WDPCP: variants seen among roughly 807,000 people sequenced by gnomAD.
The protein encoded by WDPCP is WD repeat-containing and planar cell polarity effector protein fritz homolog.
Under a neutral mutation model 93.1 loss-of-function variants are expected in WDPCP, and 71 were observed. The observed-to-expected ratio is 0.76, with a 90% CI of 0.63 to 0.93. WDPCP has a LOEUF of 0.93. WDPCP is among the 40% of genes least tolerant of loss of function. The pLI is 0.00. For missense variants in WDPCP, 844 were observed against 887.4 expected, an observed-to-expected ratio of 0.95 and a Z score of 0.62; for synonymous variants, 315 against 315.0, an observed-to-expected ratio of 1.00 and a Z score of 0.00.
intron 14 of WDPCP, among the ~76,000 whole-genome samples, chr2:63,220,576 A>G (rs1236927739): frequency 6.6e-6 from 1 of 152,084 alleles, no homozygotes. Context: ...AGTTCTTTCT[A>G]GCTGTCGATT....
intron 2 of WDPCP, among the ~76,000 whole-genome samples, chr2:63,658,514 G>A (rs1710192314): frequency 6.6e-6 from 1 of 152,126 alleles, no homozygotes; most frequent in Admixed American, 6.5e-5. Flanking sequence ...TACCAAAGAA[G>A]AAACCACTCA....
chr2:63,415,591 G>A (rs1451262657), intron 9 of WDPCP, among the ~76,000 whole-genome samples: 3 of 152,176 alleles, frequency 2.0e-5, no homozygotes, highest in Non-Finnish European at 2.9e-5. Flanking sequence ...ATAAGTGATA[G>A]AGTTGCAGTT....
intron 1 of WDPCP, among the ~76,000 whole-genome samples, chr2:63,575,005 T>A (rs1659577106): frequency 6.6e-6 from 1 of 152,108 alleles, no homozygotes; most frequent in Admixed American, 6.5e-5. Flanking sequence ...TTGAGAATCA[T>A]GATCATATTC....
intron 1 of WDPCP, among the ~76,000 whole-genome samples, chr2:63,541,143 T>G (rs191664831): frequency 1.3e-5 from 2 of 152,108 alleles, no homozygotes; most frequent in Non-Finnish European, 2.9e-5. Flanking sequence ...CTGGCTAATT[T>G]TGCATTTTTA....
At chr2:63,439,163 A>AAT (rs1161592916) in intron 7 of WDPCP, among the ~76,000 whole-genome samples, 10 of 152,162 alleles carry the variant, frequency 6.6e-5, no homozygotes, top group Admixed American at 6.6e-4. Flanking sequence ...TGGTTCAATA[A>AAT]ATGTCAGTAT....
intron 13 of WDPCP, among the ~76,000 whole-genome samples, chr2:63,259,610 G>GTATT (rs1194981364): frequency 6.6e-6 from 1 of 152,174 alleles, no homozygotes; most frequent in African/African-American, 2.4e-5. Context: ...CTAAAGGCAA[G>GTATT]TATTTAAATA....
intron 2 of WDPCP, among the ~76,000 whole-genome samples, chr2:63,758,089 T>G (rs1669995475): frequency 6.6e-6 from 1 of 151,948 alleles, no homozygotes; most frequent in South Asian, 2.1e-4. Flanking sequence ...GATAAAGTGT[T>G]GTTGGTTTTT....
At chr2:63,454,352 TG>T (rs1207627164) in intron 6 of WDPCP, among the ~76,000 whole-genome samples, 1 of 151,214 alleles carries the variant, frequency 6.6e-6, no homozygotes, top group Non-Finnish European at 1.5e-5. Flanking sequence ...GAGCCCTGTT[TG>T]GGGGTGGGGG....
chr2:63,484,846 A>G (rs921682607), intron 5 of WDPCP, 71 bp downstream of exon 5: 36 of 1,557,098 alleles, frequency 2.3e-5, no homozygotes, highest in Non-Finnish European at 2.7e-5. Context: ...CTTTATGAAA[A>G]TTAAAGCTGT....
chr2:63,316,733 AAATAGG>A (rs1686671621), intron 12 of WDPCP, among the ~76,000 whole-genome samples: 2 of 152,142 alleles, frequency 1.3e-5, no homozygotes, highest in Admixed American at 6.5e-5. Context: ...ATCTATTAAT[AAATAGG>A]AAGAGAGGAA....
chr2:63,430,205 G>A (rs1696634099), intron 9 of WDPCP, among the ~76,000 whole-genome samples: 1 of 152,108 alleles, frequency 6.6e-6, no homozygotes, highest in African/African-American at 2.4e-5. Context: ...ACAATATACA[G>A]TGGGGACTAA....
intron 6 of WDPCP, among the ~76,000 whole-genome samples, chr2:63,449,091 T>C (rs1401143596): frequency 3.3e-5 from 5 of 152,204 alleles, no homozygotes; most frequent in Non-Finnish European, 7.3e-5. Context: ...TGTATGCCTA[T>C]AGCAAAACAT....
rs1463436335 is a variant in WDPCP, at chr2:63,121,824, T to A, written c.*182A>T. On this transcript the variant is annotated 3_prime_UTR_variant, in exon 18 of 18. Transcript: ENST00000272321. ...TTTACTTACGATCACTTTGCTGTTATGCTGCATGTTTTTGAAATAATAAAA... is the reference window on the plus strand; with the variant it reads ...TTTACTTACGATCACTTTGCTGTTAAGCTGCATGTTTTTGAAATAATAAAA... 7.2e-7 allele frequency: 1 copy of A among 1,384,482 alleles called. No individual in the cohort carries two copies. The highest frequency in any genetic ancestry group is 9.4e-7 in the Non-Finnish European group (1 of 1,059,344). The allele number at this position is 1,384,482 out of a possible 1,614,324, so 85.8% of individuals were successfully genotyped here. A position where few individuals can be genotyped will look rare whatever the true frequency, so the allele number is the denominator to read the frequency against.
chr2:63,558,079 T>A (rs1338876659), intron 1 of WDPCP, among the ~76,000 whole-genome samples: 1 of 151,042 alleles, frequency 6.6e-6, no homozygotes, highest in East Asian at 1.9e-4. Flanking sequence ...ACATCACAAC[T>A]AAAAGAGCTA....
chr2:63,823,214 A>G (rs980799197), intron 1 of WDPCP, among the ~76,000 whole-genome samples: 5 of 151,512 alleles, frequency 3.3e-5, no homozygotes, highest in African/African-American at 4.8e-5. Flanking sequence ...AAAAAAAAAA[A>G]CAAAAAACTT....
At chr2:63,600,157 G>A (rs1161963279) in intron 3 of WDPCP, 1 of 152,224 alleles carries the variant, frequency 6.6e-6, no homozygotes, top group African/African-American at 2.4e-5. Context: ...CTAAGCTGAA[G>A]CACTACTGCC....
intron 7 of WDPCP, chr2:63,437,778 T>C: frequency 1.4e-6 from 2 of 1,396,890 alleles, no homozygotes; most frequent in Non-Finnish European, 2.0e-6. Context: ...TATTTCAATA[T>C]ACACTGATAT....
rs139107760 is a variant in WDPCP at position 63,546,225 on chromosome 2, G to A, written c.75+41972C>T. Among the ~76,000 whole-genome samples, 12 of 152,270 alleles carry A rather than the reference G, an allele frequency of 7.9e-5. No individual in the cohort carries two copies. In the East Asian group the frequency reaches 2.3e-3, roughly 29 times the overall value. On this transcript the variant is annotated intron_variant, in intron 1 of 17. Coordinates refer to ENST00000272321, the MANE Select transcript of WDPCP (RefSeq NM_015910.7). ...TGTTCCGCCTAAAGAATAAAATGAA[G>A]TGAAAATGGTAAAAGGAGATATTTT...
At chr2:63,762,646 T>A (rs900486874) in intron 2 of WDPCP, among the ~76,000 whole-genome samples, 3 of 152,320 alleles carry the variant, frequency 2.0e-5, no homozygotes, top group Admixed American at 6.5e-5. Context: ...CGAAGGAGGT[T>A]ATCACCTGGT....
Sources: allele counts gnomAD v4.1 joint callset (sites outside exome capture counted in the v4.1 genomes callset), GRCh38; gene constraint gnomAD v4.1.1; transcripts MANE v1.5; gene names NCBI Gene and HGNC (gene_info 2026-07-23, HGNC 2026-07-21).